TMEM230: variants seen among roughly 807,000 people sequenced by gnomAD.
The protein encoded by TMEM230 is UPF0414 transmembrane protein C20orf30.
A neutral mutation model predicts 15.8 loss-of-function variants in TMEM230; 10 were observed. That is an observed-to-expected ratio of 0.63 (90% confidence interval 0.39 to 1.07). The LOEUF (loss-of-function observed/expected upper bound fraction) is 1.07. Among genes scored for constraint, TMEM230 ranks in the 50% least tolerant of loss-of-function variants. The pLI, the probability that TMEM230 is intolerant of heterozygous loss-of-function variation, is 0.01. For missense variants in TMEM230, 165 were observed against 193.3 expected, an observed-to-expected ratio of 0.85 and a Z score of 0.87; for synonymous variants, 67 against 76.9, an observed-to-expected ratio of 0.87 and a Z score of 0.68.
chr20:5,060,131 T>G, the TMEM230 span, among the ~76,000 whole-genome samples: 1 of 152,028 alleles, frequency 6.6e-6, no homozygotes, highest in Admixed American at 6.5e-5. Flanking sequence ...AGGCTAGTCT[T>G]GAACTTCTGG....
chr20:5,094,031 T>C (rs1033931789), intron 3 of TMEM230, among the ~76,000 whole-genome samples: 1 of 151,654 alleles, frequency 6.6e-6, no homozygotes, highest in Non-Finnish European at 1.5e-5. Context: ...TTGGCTTGGC[T>C]CACTGCAACC....
the TMEM230 span, among the ~76,000 whole-genome samples, chr20:5,061,926 A>C: frequency 2.0e-5 from 3 of 152,140 alleles, no homozygotes; most frequent in Non-Finnish European, 4.4e-5. Context: ...TCCTCTTAGA[A>C]AGTCCATTTA....
chr20:5,078,816 C>A (rs1327516250), intron 3 of TMEM230, among the ~76,000 whole-genome samples: 2 of 152,194 alleles, frequency 1.3e-5, no homozygotes, highest in Non-Finnish European at 2.9e-5. Flanking sequence ...GAGACACAGA[C>A]TCTTGCTCTG....
At chr20:5,110,877 A>G (rs1044345218) in intron 2 of TMEM230, among the ~76,000 whole-genome samples, 1 of 152,176 alleles carries the variant, frequency 6.6e-6, no homozygotes, top group Non-Finnish European at 1.5e-5. Context: ...ATAACATTTA[A>G]ATTAAGACCA....
exon 4 of TMEM230, chr20:5,069,061 T>C: frequency 1.2e-6 from 1 of 832,456 alleles, no homozygotes. Context: ...CCACATATCC[T>C]GCTCTTAGTA....
At chr20:5,081,154 C>T (rs2089162811) in intron 3 of TMEM230, among the ~76,000 whole-genome samples, 1 of 152,216 alleles carries the variant, frequency 6.6e-6, no homozygotes, top group Non-Finnish European at 1.5e-5. Context: ...AACTAGAAGT[C>T]TCTAGATGCA....
At chr20:5,075,780 A>G (rs537071459) in intron 3 of TMEM230, among the ~76,000 whole-genome samples, 87 of 152,104 alleles carry the variant, frequency 5.7e-4, no homozygotes, top group African/African-American at 2.0e-3. Context: ...TAGGGGCCCA[A>G]CCTCATGACA....
downstream of TMEM230, among the ~76,000 whole-genome samples, chr20:5,066,908 C>T (rs1349955892): frequency 1.3e-5 from 2 of 152,108 alleles, no homozygotes; most frequent in East Asian, 3.9e-4. Context: ...CCACATACAT[C>T]CAAGCCCCTG....
At chr20:5,092,446 G>A (rs1464175697) in intron 3 of TMEM230, among the ~76,000 whole-genome samples, 1 of 152,102 alleles carries the variant, frequency 6.6e-6, no homozygotes, top group Admixed American at 6.6e-5. Flanking sequence ...GGCCAGGCAC[G>A]GTGGCTCACG....
At chr20:5,064,098 C>T (rs577460096), downstream of TMEM230, among the ~76,000 whole-genome samples, 1 of 151,938 alleles carries the variant, frequency 6.6e-6, no homozygotes, top group African/African-American at 2.4e-5. Context: ...GAAACCCTGT[C>T]TCTACTAAAA....
At chr20:5,079,967 GA>G (rs967740590) in intron 3 of TMEM230, among the ~76,000 whole-genome samples, 3 of 151,984 alleles carry the variant, frequency 2.0e-5, no homozygotes, top group African/African-American at 7.2e-5. Flanking sequence ...TTGTTTGTTT[GA>G]AAAAAATCAT....
In TMEM230 at chr20:5,099,974, A is replaced by T. The variant is rs547512216; in HGVS notation, c.*817T>A. ...ACTAAGGTGATCTAGTCCTCTAGGC[A>T]TCCAGGCTGATCCTTGGAATCATGA... On this transcript the variant is annotated 3_prime_UTR_variant, in exon 5 of 5. Transcript: ENST00000342308. 1.0e-6 allele frequency: 1 copy of T among 985,434 alleles called. No homozygotes were observed. The highest frequency in any genetic ancestry group is 6.1e-5 in the Admixed American group (1 of 16,282). 61.0% of individuals were successfully genotyped at this position (985,434 alleles called of 1,614,324 possible).
intron 3 of TMEM230, among the ~76,000 whole-genome samples, chr20:5,076,412 G>A (rs1461646668): frequency 6.6e-6 from 1 of 151,688 alleles, no homozygotes; most frequent in East Asian, 2.0e-4. Flanking sequence ...ATGGTGGCGG[G>A]CGCCTGTAAT....
intron 3 of TMEM230, among the ~76,000 whole-genome samples, chr20:5,084,662 T>TA (rs2089284355): frequency 6.6e-6 from 1 of 152,186 alleles, no homozygotes; most frequent in Non-Finnish European, 1.5e-5. Flanking sequence ...GCCTCCTGAG[T>TA]AGCTGGAACT....
chr20:5,070,425 G>A (rs1289184224), intron 3 of TMEM230, among the ~76,000 whole-genome samples: 1 of 152,182 alleles, frequency 6.6e-6, no homozygotes. Context: ...AAAATCAATT[G>A]TCCAGTGATG....
At position 5,100,862 on chromosome 20, in the gene TMEM230, G is replaced by C; in HGVS notation, c.481C>G (p.Arg161Gly). The change falls in exon 5 of 5, where the codon CGC becomes GGC. Residue 161 changes from arginine (R) to glycine (G), a missense_variant. Coordinates refer to ENST00000342308, the MANE Select transcript of TMEM230 (RefSeq NM_001009923.2). ...CCTTTGGATGCATAGTAAGCGATGC[G>C]CAGGTGGTAAAATCCGGGTAGGAAC... 3.1e-6 allele frequency: 5 copies of C among 1,614,164 alleles called. No homozygotes were observed. The highest frequency in any genetic ancestry group is 3.4e-6 in the Non-Finnish European group (4 of 1,180,026).
chr20:5,109,798 G>A (rs6116652), intron 2 of TMEM230, among the ~76,000 whole-genome samples: 1 of 152,098 alleles, frequency 6.6e-6, no homozygotes, highest in Non-Finnish European at 1.5e-5. Context: ...ATAGAGACTA[G>A]GTAGAATAAT....
At chr20:5,101,428 T>C (rs1279736315) in intron 4 of TMEM230, among the ~76,000 whole-genome samples, 2 of 152,174 alleles carry the variant, frequency 1.3e-5, no homozygotes, top group African/African-American at 4.8e-5. Context: ...TTCTCTTTTT[T>C]CTTTTTTTTT....
the TMEM230 span, among the ~76,000 whole-genome samples, chr20:5,062,171 G>C: frequency 6.6e-6 from 1 of 151,386 alleles, no homozygotes; most frequent in Non-Finnish European, 1.5e-5. Context: ...ACAGTGAGCC[G>C]AGATCGCACC....
Sources: allele counts gnomAD v4.1 joint callset (sites outside exome capture counted in the v4.1 genomes callset), GRCh38; gene constraint gnomAD v4.1.1; transcripts MANE v1.5; gene names NCBI Gene and HGNC (gene_info 2026-07-23, HGNC 2026-07-21).